CPVL: variants seen among roughly 807,000 people sequenced by gnomAD.
CPVL encodes the protein carboxypeptidase vitellogenic like.
CPVL carries 51 observed loss-of-function variants against 63.7 expected under a neutral mutation model. The observed-to-expected ratio is 0.80, with a 90% confidence interval of 0.64 to 1.01. The LOEUF is 1.01. CPVL is among the 50% of genes least tolerant of loss of function. The pLI, the probability that CPVL is intolerant of heterozygous loss-of-function variation, is 0.00. For missense variants in CPVL, 530 were observed against 573.1 expected, an observed-to-expected ratio of 0.92 and a Z score of 0.77; for synonymous variants, 195 against 206.0, an observed-to-expected ratio of 0.95 and a Z score of 0.46.
intron 6 of CPVL, among the ~76,000 whole-genome samples, chr7:29,091,779 C>G (rs1174262191): frequency 2.0e-5 from 3 of 152,174 alleles, no homozygotes; most frequent in Non-Finnish European, 4.4e-5. Flanking sequence ...TTCTCTCCCC[C>G]CGGCCACCTA....
chr7:29,044,680 C>A (rs1404615443), intron 11 of CPVL, among the ~76,000 whole-genome samples: 4 of 152,144 alleles, frequency 2.6e-5, no homozygotes, highest in Admixed American at 6.5e-5. Flanking sequence ...ACAGATACTA[C>A]TAATTGTATC....
At chr7:29,051,920 CATATATATATTCCAAATATATATATGAAT>C (rs1790203649) in intron 11 of CPVL, among the ~76,000 whole-genome samples, 1 of 121,122 alleles carries the variant, frequency 8.3e-6, no homozygotes. Flanking sequence ...ATATATTCCA[CATATATATATTCCAAATATATATATGAAT>C]ATATATATAT....
At chr7:29,015,591 C>T (rs542586163) in intron 12 of CPVL, among the ~76,000 whole-genome samples, 6 of 152,282 alleles carry the variant, frequency 3.9e-5, no homozygotes, top group African/African-American at 1.2e-4. Context: ...AAGGAGATGC[C>T]GTCATGCTTC....
At chr7:29,194,830 A>G (rs1783430377) in intron 1 of CPVL, 3 of 991,966 alleles carry the variant, frequency 3.0e-6, no homozygotes, top group African/African-American at 3.4e-5. Flanking sequence ...GCGCGTCCCC[A>G]GGACTTTGCC....
intron 12 of CPVL, among the ~76,000 whole-genome samples, chr7:29,001,858 C>T (rs2128125812): frequency 6.6e-6 from 1 of 152,320 alleles, no homozygotes; most frequent in Non-Finnish European, 1.5e-5. Flanking sequence ...TGCAACAATA[C>T]TGTTTGTAAT....
chr7:29,163,361 T>C (rs970561705), intron 5 of CPVL, among the ~76,000 whole-genome samples: 1 of 152,110 alleles, frequency 6.6e-6, no homozygotes, highest in Non-Finnish European at 1.5e-5. Flanking sequence ...AAATATATTA[T>C]TAAAATTATT....
Position 29,092,722 on chromosome 7 carries a change from G to A in CPVL, c.463-20C>T, listed in dbSNP as rs761468916. On this transcript the variant is annotated intron_variant, in intron 5 of 12. Coordinates refer to ENST00000265394, the MANE Select transcript of CPVL (RefSeq NM_031311.5). ...GCCCACCTGCAGGAGAAATAAACAC[G>A]CAGGTATAAACACAGAGAAACACAT... 7.7e-6 allele frequency: 12 copies of A among 1,568,220 alleles called. No individual in the cohort carries two copies. Among genetic ancestry groups the A allele is most frequent in the East Asian group, 2.2e-5 (1 of 44,644 alleles).
chr7:29,187,192 AG>A (rs1488891733), intron 1 of CPVL, among the ~76,000 whole-genome samples: 1 of 152,158 alleles, frequency 6.6e-6, no homozygotes, highest in Non-Finnish European at 1.5e-5. Context: ...TTTATCTTAT[AG>A]GGGCCAAATT....
intron 6 of CPVL, among the ~76,000 whole-genome samples, chr7:29,091,112 C>T (rs191254082): frequency 3.4e-4 from 51 of 152,148 alleles, no homozygotes; most frequent in Admixed American, 3.3e-3. Flanking sequence ...TCTAAGAGCC[C>T]GAAGCAAAAA....
At chr7:29,142,110 G>A (rs1791956367) in intron 1 of CPVL, among the ~76,000 whole-genome samples, 1 of 152,202 alleles carries the variant, frequency 6.6e-6, no homozygotes. Context: ...AATGGGAAAA[G>A]GAAAGACTTA....
chr7:29,069,769 AAT>A (rs1491542312), intron 9 of CPVL, among the ~76,000 whole-genome samples: 2 of 114,698 alleles, frequency 1.7e-5, no homozygotes, highest in East Asian at 3.0e-4. Flanking sequence ...CTCACCAGTA[AAT>A]GTGTGTGTGT....
intron 12 of CPVL, among the ~76,000 whole-genome samples, chr7:29,017,736 A>G (rs1266941634): frequency 2.0e-5 from 3 of 152,256 alleles, no homozygotes; most frequent in South Asian, 4.1e-4. Context: ...TGTGAAATAC[A>G]TTATTTCTCG....
chr7:29,189,217 G>T (rs973006310), intron 1 of CPVL, among the ~76,000 whole-genome samples: 2 of 152,062 alleles, frequency 1.3e-5, no homozygotes, highest in African/African-American at 4.8e-5. Context: ...CTCCCAAAGG[G>T]CTGGGATTAC....
chr7:29,081,069 G>A (rs1321333435), intron 7 of CPVL, among the ~76,000 whole-genome samples: 1 of 152,216 alleles, frequency 6.6e-6, no homozygotes, highest in African/African-American at 2.4e-5. Flanking sequence ...GAGAACAATG[G>A]GCGGTCCCCC....
rs535400256 is a variant in CPVL at position 29,003,154 on chromosome 7, G to GCACACACACACA, written c.1321-7284_1321-7273dup. On this transcript the variant is annotated intron_variant, in intron 12 of 12. Transcript: ENST00000265394. ...ATATTACACTATAGTATGTGTATGT[G>GCACACACACACA]CACACACACACACACACACACACAC... Among the ~76,000 whole-genome samples, 680 of 123,740 alleles carry GCACACACACACA rather than the reference G, an allele frequency of 5.5e-3. 3 individuals are homozygous for GCACACACACACA. Among genetic ancestry groups the GCACACACACACA allele is most frequent in the South Asian group, 0.012 (49 of 4,234 alleles). The allele number at this position is 123,740 out of a possible 152,430, so 81.2% of individuals were successfully genotyped here.
At chr7:29,155,654 C>T (rs1272337187) in intron 5 of CPVL, among the ~76,000 whole-genome samples, 3 of 152,186 alleles carry the variant, frequency 2.0e-5, no homozygotes, top group African/African-American at 7.2e-5. Flanking sequence ...GGAATACAAG[C>T]TTTGGATTCT....
At chr7:29,068,466 G>C (rs917809338) in intron 9 of CPVL, among the ~76,000 whole-genome samples, 1 of 152,084 alleles carries the variant, frequency 6.6e-6, no homozygotes, top group Non-Finnish European at 1.5e-5. Context: ...CCATTGCTCA[G>C]GGCCCCACAT....
chr7:29,176,279 G>A (rs1373938803), intron 5 of CPVL, among the ~76,000 whole-genome samples: 1 of 151,940 alleles, frequency 6.6e-6, no homozygotes, highest in Non-Finnish European at 1.5e-5. Context: ...AAGGCCAATA[G>A]GTCCTGAGCA....
At chr7:29,072,231 C>A (rs903142240) in intron 8 of CPVL, 70 bp downstream of exon 8, 17 of 1,550,272 alleles carry the variant, frequency 1.1e-5, no homozygotes, top group Middle Eastern at 2.1e-4. Flanking sequence ...CTAAGAGGAG[C>A]CTTCCATCTG....
Sources: gnomAD v4.1 joint callset for allele counts (sites outside exome capture counted in the v4.1 genomes callset) on GRCh38, gnomAD v4.1.1 for gene constraint, MANE v1.5 for transcripts, NCBI Gene and HGNC (gene_info 2026-07-23, HGNC 2026-07-21) for gene names.